ATXN1: variants seen among roughly 807,000 people sequenced by gnomAD.
ATXN1 encodes ataxin-1.
A neutral mutation model predicts 56.4 loss-of-function variants in ATXN1; 8 were observed. That is an observed-to-expected ratio of 0.14 (90% confidence interval 0.08 to 0.26). ATXN1 has a LOEUF of 0.26. ATXN1 is among the 10% of genes least tolerant of loss of function. The probability of loss-of-function intolerance (pLI) is 1.00; values close to 1 mark genes in which losing one functional copy is unlikely to be tolerated. For missense variants in ATXN1, 987 were observed against 1,106.5 expected (o/e 0.89, Z 1.53); for synonymous variants, 514 against 494.6 (o/e 1.04, Z -0.52).
chr6:16,355,650 C>T (rs1761671472), intron 6 of ATXN1, among the ~76,000 whole-genome samples: 1 of 151,926 alleles, frequency 6.6e-6, no homozygotes, highest in African/African-American at 2.4e-5. Flanking sequence ...CAACCTCTGC[C>T]TCCCAGGTTC....
At position 16,378,748 on chromosome 6, in the gene ATXN1, C is replaced by G. The variant is rs1762195075; in HGVS notation, c.-160-50278G>C. On this transcript the variant is annotated intron_variant, in intron 6 of 7. Transcript: ENST00000436367. ...TAATTTTTTAACTTTTTTGTAAAGA[C>G]AAAGTCTCACTATATTTCCCAGGCT... 3.3e-5 allele frequency among the ~76,000 whole-genome samples: 5 copies of G among 151,946 alleles called. No homozygotes were observed. In the South Asian group the frequency reaches 1.0e-3, roughly 32 times the overall value.
At chr6:16,730,507 A>ATATATATATATATATATATATATAT (rs1759950843) in intron 2 of ATXN1, among the ~76,000 whole-genome samples, 2 of 146,156 alleles carry the variant, frequency 1.4e-5, no homozygotes, top group Non-Finnish European at 1.5e-5. Flanking sequence ...ATATATATAT[A>ATATATATATATATATATATATATAT]AATGTATTTA....
At chr6:16,579,155 G>C (rs1053600456) in intron 4 of ATXN1, among the ~76,000 whole-genome samples, 6 of 152,174 alleles carry the variant, frequency 3.9e-5, no homozygotes, top group Admixed American at 1.3e-4. Context: ...GCATCTGGAA[G>C]AGGGTTGCCT....
chr6:16,587,150 G>T (rs560516167), intron 3 of ATXN1, among the ~76,000 whole-genome samples: 2 of 152,082 alleles, frequency 1.3e-5, no homozygotes, highest in Admixed American at 1.3e-4. Flanking sequence ...AAGTGAAACC[G>T]ACATGTTCAT....
chr6:16,660,180 TTAA>T (rs1350795290), intron 2 of ATXN1, among the ~76,000 whole-genome samples: 2 of 152,224 alleles, frequency 1.3e-5, no homozygotes, highest in East Asian at 3.8e-4. Flanking sequence ...ATCAATACCG[TTAA>T]TAATAATCAA....
At chr6:16,604,316 C>G in intron 3 of ATXN1, among the ~76,000 whole-genome samples, 1 of 128,680 alleles carries the variant, frequency 7.8e-6, no homozygotes, top group South Asian at 2.9e-4. Context: ...CACAGCAAAA[C>G]TCTGTCTCAA....
chr6:16,362,070 C>T (rs1761819064), intron 6 of ATXN1, among the ~76,000 whole-genome samples: 1 of 152,192 alleles, frequency 6.6e-6, no homozygotes, highest in Admixed American at 6.5e-5. Context: ...GTCAGCCCTG[C>T]TGTGTCTTGT....
At chr6:16,470,338 TTAGTATTTTA>T (rs1760193046) in intron 6 of ATXN1, among the ~76,000 whole-genome samples, 1 of 152,008 alleles carries the variant, frequency 6.6e-6, no homozygotes, top group Non-Finnish European at 1.5e-5. Flanking sequence ...GGGTAGAGCA[TTAGTATTTTA>T]TGGGTCTAGA....
intron 6 of ATXN1, among the ~76,000 whole-genome samples, chr6:16,337,143 C>T (rs56244538): frequency 1.3e-5 from 2 of 152,114 alleles, no homozygotes; most frequent in Admixed American, 6.5e-5. Context: ...TCCCTTATCC[C>T]TAAGTGGGGC....
At chr6:16,393,851 A>G (rs1758402539) in intron 6 of ATXN1, among the ~76,000 whole-genome samples, 1 of 151,700 alleles carries the variant, frequency 6.6e-6, no homozygotes, top group Non-Finnish European at 1.5e-5. Context: ...TCTTGTCTGT[A>G]TTACAATAAA....
intron 4 of ATXN1, among the ~76,000 whole-genome samples, chr6:16,555,969 C>T (rs920170202): frequency 4.6e-5 from 7 of 152,150 alleles, no homozygotes; most frequent in African/African-American, 1.7e-4. Context: ...GTTTGGCTTT[C>T]TTTGCAAGAG....
At chr6:16,412,573 G>C (rs1032860559) in intron 6 of ATXN1, among the ~76,000 whole-genome samples, 1 of 152,094 alleles carries the variant, frequency 6.6e-6, no homozygotes, top group African/African-American at 2.4e-5. Flanking sequence ...TCATTGCCAG[G>C]CTCCCCCACT....
At chr6:16,604,324 CAAAA>C (rs57547112) in intron 3 of ATXN1, among the ~76,000 whole-genome samples, 1 of 112,108 alleles carries the variant, frequency 8.9e-6, no homozygotes, top group Non-Finnish European at 1.9e-5. Flanking sequence ...AACTCTGTCT[CAAAA>C]AAAAAAAAAA....
intron 6 of ATXN1, among the ~76,000 whole-genome samples, chr6:16,463,129 A>G (rs890550284): frequency 1.3e-5 from 2 of 152,076 alleles, no homozygotes; most frequent in African/African-American, 4.8e-5. Flanking sequence ...CTTTCCAGCC[A>G]CTCACCAGAC....
At chr6:16,482,064 C>G (rs374416428) in intron 6 of ATXN1, among the ~76,000 whole-genome samples, 67 of 151,902 alleles carry the variant, frequency 4.4e-4, no homozygotes, top group Middle Eastern at 3.4e-3. Flanking sequence ...TTATACACAT[C>G]AAGTATCCAC....
At chr6:16,596,756 T>C (rs1420060268) in intron 3 of ATXN1, among the ~76,000 whole-genome samples, 1 of 152,116 alleles carries the variant, frequency 6.6e-6, no homozygotes, top group Non-Finnish European at 1.5e-5. Context: ...ACAGCAGCAT[T>C]TGTCAAAGGG....
chr6:16,746,438 A>G, intron 2 of ATXN1, among the ~76,000 whole-genome samples: 1 of 152,234 alleles, frequency 6.6e-6, no homozygotes, highest in East Asian at 1.9e-4. Context: ...CTGCACCTGC[A>G]GGTAAAACCA....
At chr6:16,616,649 T>C (rs1347185800) in intron 3 of ATXN1, among the ~76,000 whole-genome samples, 6 of 142,906 alleles carry the variant, frequency 4.2e-5, no homozygotes, top group African/African-American at 1.6e-4. Context: ...TTATATAATG[T>C]ATAATATAAA....
At chr6:16,591,358 G>A (rs1250937154) in intron 3 of ATXN1, among the ~76,000 whole-genome samples, 1 of 152,028 alleles carries the variant, frequency 6.6e-6, no homozygotes, top group Non-Finnish European at 1.5e-5. Context: ...TAAGTATATG[G>A]TTCTTTGCAA....
Sources: allele counts gnomAD v4.1 joint callset (sites outside exome capture counted in the v4.1 genomes callset), GRCh38; gene constraint gnomAD v4.1.1; transcripts MANE v1.5; gene names NCBI Gene and HGNC (gene_info 2026-07-23, HGNC 2026-07-21).